Variants in ACTR8 observed in about 807,000 individuals in gnomAD.
ACTR8 encodes the protein actin-related protein 8.
Under a neutral mutation model 84.3 loss-of-function variants are expected in ACTR8, and 70 were observed. The observed-to-expected ratio is 0.83, with a 90% CI of 0.68 to 1.01. ACTR8 has a LOEUF of 1.01. Ranked by LOEUF, ACTR8 falls within the 50% of genes least tolerant of loss-of-function variation. ACTR8 has a pLI of 0.00. For missense variants in ACTR8, 672 were observed against 775.4 expected, an observed-to-expected ratio of 0.87 and a Z score of 1.58; for synonymous variants, 268 against 275.2, an observed-to-expected ratio of 0.97 and a Z score of 0.26.
chr3:53,862,275 G>C (rs1699589522), downstream of ACTR8, among the ~76,000 whole-genome samples: 1 of 152,112 alleles, frequency 6.6e-6, no homozygotes, highest in Non-Finnish European at 1.5e-5. Flanking sequence ...GAGGCCATAA[G>C]GACCTTCAAG....
downstream of ACTR8, among the ~76,000 whole-genome samples, chr3:53,863,712 C>A (rs1196786835): frequency 6.6e-6 from 1 of 152,080 alleles, no homozygotes; most frequent in Non-Finnish European, 1.5e-5. Flanking sequence ...GAAGACAGTA[C>A]AAGCAACTAC....
chr3:53,881,310 G>A (rs77780690), intron 1 of ACTR8, among the ~76,000 whole-genome samples: 2,676 of 152,272 alleles, frequency 0.018, 71 homozygotes, highest in African/African-American at 0.061. Context: ...GTTTTCCTAC[G>A]TGAATGCTGT....
chr3:53,874,286 T>G lies in ACTR8; in HGVS notation c.990A>C (p.Arg330Ser). ...CCATTTTATTTGTTAACTGGCATTC[T>G]CTGTAAGGGAACCCAGCTCGCTGCA... ...WLMQRAGFPY[R>S]ECQLTNKMDC... is the part of the protein sequence containing the mutation. The change falls in exon 8 of 13, where the codon AGA (arginine) becomes AGC (serine). Residue 330 changes from arginine to serine, a missense_variant. Transcript: ENST00000335754. 1 of 1,614,206 alleles carries G rather than the reference T, an allele frequency of 6.2e-7. No individual in the cohort carries two copies. Among genetic ancestry groups the G allele is most frequent in the Non-Finnish European group, 8.5e-7 (1 of 1,180,024 alleles).
chr3:53,866,671 C>T (rs1011477170), downstream of ACTR8, among the ~76,000 whole-genome samples: 21 of 151,870 alleles, frequency 1.4e-4, no homozygotes, highest in Non-Finnish European at 3.1e-4. Flanking sequence ...TTAGTAGAGA[C>T]GGGGTTTCAC....
At chr3:53,881,948 G>T in intron 1 of ACTR8, 31 bp downstream of exon 1, 1 of 1,554,436 alleles carries the variant, frequency 6.4e-7, no homozygotes, top group South Asian at 1.2e-5. Context: ...CCAAGCAAGG[G>T]CAAAGAGTTC....
Position 53,873,070 on chromosome 3 carries a change from G to C in ACTR8, c.1123C>G (p.Leu375Val), listed in dbSNP as rs1481753298. Residue 375 changes from leucine (L) to valine (V), a missense_variant, in exon 9 of 13, where the codon CTG (leucine) becomes GTG (valine). Transcript: ENST00000335754. ...TCTCCTAATCGAAACTGGTAAAGCA[G>C]GGCAGGAGAATCAGGATGTCGAATC... ...FQIRHPDSPA[L>V]LYQFRLGDEK... 6.2e-7 allele frequency: 1 copy of C among 1,612,002 alleles called. No homozygotes were observed. The highest frequency in any genetic ancestry group is 8.5e-7 in the Non-Finnish European group (1 of 1,178,826).
chr3:53,861,325 C>T, the ACTR8 span: 106 of 151,792 alleles, frequency 7.0e-4, no homozygotes, highest in African/African-American at 2.4e-3. Flanking sequence ...GAAAAAAAGC[C>T]AAATTGCTTG....
At position 53,874,340 on chromosome 3, in the gene ACTR8, A is replaced by G. The variant is rs777210697; in HGVS notation, c.936T>C (p.Ser312=). The G allele has an allele frequency of 1.2e-6, 2 of 1,614,078 alleles. No individual in the cohort carries two copies. The highest frequency in any genetic ancestry group is 2.2e-5 in the South Asian group (2 of 91,046). The part of the protein sequence containing the change: ...NTRLCLAYGG[S]DVSRCFYWLM... ...GCCAGTAAAAACATCTTGACACATCAGATCCTCCGTATGCCAGACAAAGCC... is the reference window on the plus strand; with the variant it reads ...GCCAGTAAAAACATCTTGACACATCGGATCCTCCGTATGCCAGACAAAGCC... Residue 312 remains serine (S), a synonymous_variant, in exon 8 of 13, where the codon TCT becomes TCC. Transcript: ENST00000335754.
rs1177062702 is a variant in ACTR8, at chr3:53,872,480, T to C, written c.1206A>G (p.Gly402=). 1 of 1,610,514 alleles carries C rather than the reference T, an allele frequency of 6.2e-7. No individual in the cohort carries two copies. Among genetic ancestry groups the C allele is most frequent in the Admixed American group, 1.7e-5 (1 of 59,210 alleles). ...LFYPATFGIV[G]QKMTTLQHRS... ...TGTGCTGCAAAGTCGTCATTTTCTG[T>C]CCAACGATTCCAAAAGTTGCGGGGT... The change falls in exon 10 of 13, where the codon GGA becomes GGG. Residue 402 remains glycine (G), a synonymous_variant. Coordinates refer to ENST00000335754, the MANE Select transcript of ACTR8 (RefSeq NM_022899.5).
At chr3:53,881,956 T>C in intron 1 of ACTR8, 23 bp downstream of exon 1, 1 of 1,554,214 alleles carries the variant, frequency 6.4e-7, no homozygotes, top group East Asian at 2.4e-5. Context: ...GGGCAAAGAG[T>C]TCCAACCCAG....
In ACTR8 at chr3:53,880,082, T is replaced by C; in HGVS notation, c.151A>G (p.Ile51Val). 6.2e-7 allele frequency: 1 copy of C among 1,613,984 alleles called. No homozygotes were observed. The highest frequency in any genetic ancestry group is 8.5e-7 in the Non-Finnish European group (1 of 1,179,868). Reference protein sequence around the residue: ...EQIQSNFIIVIHPGSTTLRIG... With the variant: ...EQIQSNFIIVVHPGSTTLRIG... ...CTTAAAGTTGTTGAACCTGGATGTA[T>C]GACAATGATGAAGTTGCTCTGGATT... Residue 51 changes from isoleucine to valine, a missense_variant, in exon 2 of 13, where the codon ATA becomes GTA. Coordinates refer to ENST00000335754, the MANE Select transcript of ACTR8 (RefSeq NM_022899.5).
At chr3:53,860,116 TTTG>T in the ACTR8 span, 1 of 1,603,990 alleles carries the variant, frequency 6.2e-7, no homozygotes, top group Non-Finnish European at 8.5e-7. Context: ...GTGAATAAGC[TTTG>T]TTTTTTCCAG....
rs779467130 is a variant in ACTR8 at position 53,876,806 on chromosome 3, T to TA, written c.685-94dup. 104 of 633,886 alleles carry TA rather than the reference T, an allele frequency of 1.6e-4. 1 individual carries two copies. Among genetic ancestry groups the TA allele is most frequent in the Middle Eastern group, 1.3e-3 (5 of 3,926 alleles). The allele number at this position is 633,886 out of a possible 1,614,324, so 39.3% of individuals were successfully genotyped here. A position where few individuals can be genotyped will look rare whatever the true frequency, so the allele number is the denominator to read the frequency against. On this transcript the variant is annotated intron_variant, in intron 5 of 12. Coordinates refer to ENST00000335754, the MANE Select transcript of ACTR8 (RefSeq NM_022899.5). ...TTAGAGAGACTTCCCTCCAAAGGAGTAGCAGCTACGGTTACACACCCAGAT... is the reference window on the plus strand; with the variant it reads ...TTAGAGAGACTTCCCTCCAAAGGAGTAAGCAGCTACGGTTACACACCCAGAT...
chr3:53,877,901 T>C, intron 3 of ACTR8, 150 bp from the exon 4 acceptor site: 1 of 645,356 alleles, frequency 1.5e-6, no homozygotes, highest in Non-Finnish European at 2.7e-6. Flanking sequence ...GCAAAAGGAT[T>C]CTCTTGTCCT....
chr3:53,876,467 TGA>T (rs1327440481), intron 6 of ACTR8, among the ~76,000 whole-genome samples, 151 bp downstream of exon 6: 1 of 151,810 alleles, frequency 6.6e-6, no homozygotes, highest in Non-Finnish European at 1.5e-5. Context: ...TGCAGTGAGC[TGA>T]GATAGCGCCA....
Position 53,868,973 on chromosome 3 carries a change from A to G in ACTR8, c.1732-111T>C, listed in dbSNP as rs528517366. 6.4e-6 allele frequency: 9 copies of G among 1,399,896 alleles called. No individual in the cohort carries two copies. The South Asian group carries it at 8.6e-5, about 13-fold the overall frequency. 86.7% of individuals were successfully genotyped at this position (1,399,896 alleles called of 1,614,324 possible). A position where few individuals can be genotyped will look rare whatever the true frequency, so the allele number is the denominator to read the frequency against. ...CTGCTGAGTCAATACCTAGTAAGCC[A>G]GGCTTTCACCCTGTATTAAAGACAG... is the stretch of plus-strand genomic sequence containing the variant. On this transcript the variant is annotated intron_variant, in intron 12 of 12. Transcript: ENST00000335754.
At chr3:53,880,358 T>G (rs1283463581) in intron 1 of ACTR8, among the ~76,000 whole-genome samples, 1 of 152,194 alleles carries the variant, frequency 6.6e-6, no homozygotes, top group Non-Finnish European at 1.5e-5. Context: ...GAAACAAAAA[T>G]TGTCCACTAC....
chr3:53,859,079 A>G, the ACTR8 span: 1 of 358,226 alleles, frequency 2.8e-6, no homozygotes, highest in Non-Finnish European at 5.1e-6. Context: ...ACACAGTGCA[A>G]AATGGATGTT....
chr3:53,876,926 A>C (rs1699983147), intron 5 of ACTR8, among the ~76,000 whole-genome samples: 1 of 152,142 alleles, frequency 6.6e-6, no homozygotes, highest in Admixed American at 6.5e-5. Context: ...AAAACTTGTA[A>C]AATCAAAAAT....
Sources: allele counts gnomAD v4.1 joint callset (sites outside exome capture counted in the v4.1 genomes callset), GRCh38; gene constraint gnomAD v4.1.1; transcripts MANE v1.5; gene names NCBI Gene and HGNC (gene_info 2026-07-23, HGNC 2026-07-21).